Variants in CHKA observed in about 807,000 individuals in gnomAD.
The protein encoded by CHKA is choline kinase alpha.
Under a neutral mutation model 60.1 loss-of-function variants are expected in CHKA, and 34 were observed. That is an observed-to-expected ratio of 0.57 (90% CI 0.43 to 0.75). The LOEUF (loss-of-function observed/expected upper bound fraction) is 0.75. Ranked by LOEUF, CHKA falls within the 30% of genes least tolerant of loss-of-function variation. The probability of loss-of-function intolerance (pLI) is 0.00; values close to 1 mark genes in which losing one functional copy is unlikely to be tolerated. For missense variants in CHKA, 563 were observed against 561.3 expected, an observed-to-expected ratio of 1.00 and a Z score of -0.03; for synonymous variants, 217 against 223.1, an observed-to-expected ratio of 0.97 and a Z score of 0.24.
Position 68,121,195 on chromosome 11 carries a change from G to C in CHKA, c.-18C>G. On this transcript the variant is annotated 5_prime_UTR_variant, in exon 1 of 12. Transcript: ENST00000265689. ...GTTTTCATGCCCGACAGGCGGCCGA[G>C]GAGGCGCGGGCGGCCGCAGCGCGAG... 2 of 1,161,398 alleles carry C rather than the reference G, an allele frequency of 1.7e-6. No individual in the cohort carries two copies. Among genetic ancestry groups the C allele is most frequent in the South Asian group, 2.6e-5 (1 of 39,182 alleles). 71.9% of individuals were successfully genotyped at this position (1,161,398 alleles called of 1,614,324 possible).
At chr11:68,094,962 A>G (rs1857451619) in intron 2 of CHKA, among the ~76,000 whole-genome samples, 1 of 152,196 alleles carries the variant, frequency 6.6e-6, no homozygotes, top group African/African-American at 2.4e-5. Flanking sequence ...TTGAACTTTA[A>G]TATTTCTAAA....
At chr11:68,090,766 A>G (rs1407879523) in intron 2 of CHKA, among the ~76,000 whole-genome samples, 1 of 152,152 alleles carries the variant, frequency 6.6e-6, no homozygotes, top group African/African-American at 2.4e-5. Context: ...AACAAAAACA[A>G]TTTTCCAGAC....
chr11:68,057,613 C>G (rs374411764), intron 11 of CHKA, among the ~76,000 whole-genome samples: 4 of 152,210 alleles, frequency 2.6e-5, no homozygotes, highest in East Asian at 1.9e-4. Flanking sequence ...GCCACCGCGA[C>G]CAGTCTAGGT....
chr11:68,054,082 A>G (rs1285331563), intron 11 of CHKA, 35 bp from the exon 12 acceptor site: 3 of 1,578,732 alleles, frequency 1.9e-6, no homozygotes, highest in Non-Finnish European at 2.6e-6. Context: ...TCAGCAAGGA[A>G]TCCTGCTGGC....
intron 4 of CHKA, among the ~76,000 whole-genome samples, chr11:68,072,141 G>A (rs1189107959): frequency 6.6e-6 from 1 of 152,186 alleles, no homozygotes; most frequent in East Asian, 1.9e-4. Flanking sequence ...CCCCAGTAGA[G>A]AAAGAGAAAC....
At chr11:68,099,029 A>C (rs1433288350) in intron 1 of CHKA, among the ~76,000 whole-genome samples, 2 of 152,194 alleles carry the variant, frequency 1.3e-5, no homozygotes, top group Non-Finnish European at 2.9e-5. Context: ...GATATATACT[A>C]CAACATGAAA....
intron 3 of CHKA, among the ~76,000 whole-genome samples, chr11:68,078,938 T>C (rs915290680): frequency 6.9e-6 from 1 of 145,592 alleles, no homozygotes; most frequent in Non-Finnish European, 1.5e-5. Context: ...TTTTTGGAGA[T>C]ATTATTATTA....
intron 2 of CHKA, 103 bp downstream of exon 2, chr11:68,096,916 T>C (rs1458067767): frequency 2.3e-5 from 16 of 697,088 alleles, no homozygotes; most frequent in Non-Finnish European, 3.5e-5. Flanking sequence ...ATATCTTTAG[T>C]AACACCATTA....
intron 1 of CHKA, among the ~76,000 whole-genome samples, chr11:68,101,589 T>G (rs1857727110): frequency 1.3e-5 from 2 of 150,212 alleles, no homozygotes; most frequent in East Asian, 4.0e-4. Context: ...CGCCACTGCA[T>G]GCCAGCTAAT....
At chr11:68,105,973 G>A (rs1040477657) in intron 1 of CHKA, among the ~76,000 whole-genome samples, 3 of 152,166 alleles carry the variant, frequency 2.0e-5, no homozygotes, top group Admixed American at 6.6e-5. Context: ...CATAACCAGT[G>A]TCTCAACAGA....
chr11:68,095,590 T>C (rs1857476023), intron 2 of CHKA, among the ~76,000 whole-genome samples: 1 of 145,776 alleles, frequency 6.9e-6, no homozygotes, highest in Non-Finnish European at 1.5e-5. Context: ...GCACCTGTAG[T>C]CCCAGCTACT....
rs948286637 is a variant in CHKA at position 68,097,697 on chromosome 11, T to A, written c.351-567A>T. On this transcript the variant is annotated intron_variant, in intron 1 of 11. Transcript: ENST00000265689. ...AACCTTCTTCTCTAGGGCTTTCCAT[T>A]TGATATGTATTAATAGTTCCAAGAT... Among the ~76,000 whole-genome samples, 6 of 151,876 alleles carry A rather than the reference T, an allele frequency of 4.0e-5. No individual in the cohort carries two copies. In the East Asian group the frequency reaches 9.7e-4, roughly 24 times the overall value.
At chr11:68,087,024 A>G (rs866625954) in intron 2 of CHKA, among the ~76,000 whole-genome samples, 11 of 152,208 alleles carry the variant, frequency 7.2e-5, no homozygotes, top group Non-Finnish European at 1.5e-4. Flanking sequence ...TTTAACACCC[A>G]AAACATTTAT....
intron 1 of CHKA, among the ~76,000 whole-genome samples, chr11:68,117,414 T>C (rs1858431567): frequency 1.3e-5 from 2 of 152,084 alleles, no homozygotes; most frequent in Non-Finnish European, 2.9e-5. Context: ...CCGGGCAGGG[T>C]GCAGTGGCTA....
chr11:68,090,764 C>G (rs1449971428), intron 2 of CHKA, among the ~76,000 whole-genome samples: 1 of 152,146 alleles, frequency 6.6e-6, no homozygotes, highest in East Asian at 1.9e-4. Flanking sequence ...CAAACAAAAA[C>G]AATTTTCCAG....
chr11:68,064,821 C>T (rs576473993), intron 9 of CHKA, among the ~76,000 whole-genome samples, 190 bp from the exon 10 acceptor site: 1 of 152,294 alleles, frequency 6.6e-6, no homozygotes, highest in African/African-American at 2.4e-5. Flanking sequence ...GCTCTCTCTC[C>T]CCAGGATTTC....
At chr11:68,055,941 G>A (rs1256035200) in intron 11 of CHKA, among the ~76,000 whole-genome samples, 13 of 151,796 alleles carry the variant, frequency 8.6e-5, no homozygotes, top group Non-Finnish European at 1.6e-4. Context: ...CCAGCTACTT[G>A]GGAGGCTGAG....
intron 2 of CHKA, among the ~76,000 whole-genome samples, chr11:68,093,443 C>T (rs1016595382): frequency 1.3e-5 from 2 of 152,180 alleles, no homozygotes; most frequent in Non-Finnish European, 2.9e-5. Flanking sequence ...CTCCTCCCCC[C>T]AAATTGGAAT....
At chr11:68,076,662 C>T (rs994727269) in intron 3 of CHKA, among the ~76,000 whole-genome samples, 1 of 151,896 alleles carries the variant, frequency 6.6e-6, no homozygotes, top group East Asian at 1.9e-4. Flanking sequence ...CAGCATTTTG[C>T]ACATCATGTC....
Sources: allele counts gnomAD v4.1 joint callset (sites outside exome capture counted in the v4.1 genomes callset), GRCh38; gene constraint gnomAD v4.1.1; transcripts MANE v1.5; gene names NCBI Gene and HGNC (gene_info 2026-07-23, HGNC 2026-07-21).